The following TRPM3 variants were observed in gnomAD, a reference collection of about 807,000 sequenced individuals.
The protein encoded by TRPM3 is long transient receptor potential channel 3.
A neutral mutation model predicts 181.2 loss-of-function variants in TRPM3; 77 were observed. The observed-to-expected ratio is 0.42, with a 90% CI of 0.35 to 0.51. The LOEUF (loss-of-function observed/expected upper bound fraction) is 0.51. Ranked by LOEUF, TRPM3 falls within the 20% of genes least tolerant of loss-of-function variation. The probability of loss-of-function intolerance (pLI) is 0.01; values close to 1 mark genes in which losing one functional copy is unlikely to be tolerated. For missense variants in TRPM3, 1,759 were observed against 2,196.7 expected (o/e 0.80, Z 3.98); for synonymous variants, 745 against 796.4 (o/e 0.94, Z 1.09).
At chr9:70,695,690 G>C (rs1264180452) in intron 8 of TRPM3, among the ~76,000 whole-genome samples, 1 of 152,152 alleles carries the variant, frequency 6.6e-6, no homozygotes, top group Non-Finnish European at 1.5e-5. Flanking sequence ...ATTACTAATG[G>C]TCACTTATTG....
chr9:71,141,940 C>T lies in TRPM3; in HGVS notation c.184-277429G>A, dbSNP rs62546786. Among the ~76,000 whole-genome samples, 484 of 152,202 alleles carry T rather than the reference C, an allele frequency of 3.2e-3. 2 individuals are homozygous for T. The highest frequency in any genetic ancestry group is 6.8e-3 in the Middle Eastern group (2 of 292). On this transcript the variant is annotated intron_variant, in intron 1 of 24. Coordinates refer to the TRPM3 transcript ENST00000357533. ...CTTCTGAAATTCCATTCACTGGGGC[C>T]ATAATATATCCAAGTTTCTTCTCTA...
intron 1 of TRPM3, among the ~76,000 whole-genome samples, chr9:70,928,252 C>T (rs2096740993): frequency 1.3e-5 from 2 of 152,174 alleles, no homozygotes; most frequent in Non-Finnish European, 2.9e-5. Context: ...CTAGTTTATA[C>T]ACTGTAGGAT....
chr9:71,349,246 T>C (rs1306583965), intron 1 of TRPM3, among the ~76,000 whole-genome samples: 1 of 152,240 alleles, frequency 6.6e-6, no homozygotes, highest in Non-Finnish European at 1.5e-5. Flanking sequence ...AATCCATATA[T>C]AATTTAAATC....
At chr9:71,444,623 A>T (rs1046107667) in intron 1 of TRPM3, among the ~76,000 whole-genome samples, 1 of 152,218 alleles carries the variant, frequency 6.6e-6, no homozygotes, top group African/African-American at 2.4e-5. Flanking sequence ...ACTTTAAGGG[A>T]GAGAAAAAAT....
In TRPM3 at chr9:70,625,222, G is replaced by A; in HGVS notation, c.1778C>T (p.Thr593Ile). The change falls in exon 14 of 26, where the codon ACC becomes ATC. Residue 593 changes from threonine to isoleucine, a missense_variant. Physicochemically the swap from Thr to Ile is moderately conservative, Grantham distance 89 (BLOSUM62 -1). Transcript: ENST00000677713. The surrounding 1 kb of genome is among the most constrained non-coding windows in gnomAD (Gnocchi z 4.8). ...GGGGCCGAAGAGGTTGTGGTAGAGG[G>A]TCCGGAAGCGCTTGCGCGTGTAGTT... The part of the protein sequence containing the change: ...RCNYTRKRFR[T>I]LYHNLFGPKR... 1.9e-6 allele frequency: 3 copies of A among 1,614,058 alleles called. No homozygotes were observed. The highest frequency in any genetic ancestry group is 2.5e-6 in the Non-Finnish European group (3 of 1,179,998).
At chr9:71,362,688 C>T (rs114960555) in intron 1 of TRPM3, among the ~76,000 whole-genome samples, 12 of 152,176 alleles carry the variant, frequency 7.9e-5, no homozygotes, top group East Asian at 1.9e-4. Context: ...TGAACATAAG[C>T]GATAACAATT....
At chr9:70,606,934 T>G (rs76097462) in intron 19 of TRPM3, among the ~76,000 whole-genome samples, 4,625 of 152,168 alleles carry the variant, frequency 0.03, 239 homozygotes, top group African/African-American at 0.11. Context: ...CTACTACCTC[T>G]GGAGAGCAGA....
At chr9:71,289,928 A>G (rs916614957) in intron 1 of TRPM3, among the ~76,000 whole-genome samples, 2 of 147,626 alleles carry the variant, frequency 1.4e-5, no homozygotes, top group Non-Finnish European at 3.0e-5. Context: ...ATAAGAATTG[A>G]AATATTCCCA....
At chr9:71,015,592 G>C (rs573804122) in intron 1 of TRPM3, among the ~76,000 whole-genome samples, 2 of 152,260 alleles carry the variant, frequency 1.3e-5, no homozygotes, top group Non-Finnish European at 2.9e-5. Context: ...GCTATACTTA[G>C]AAGACTTATT....
chr9:70,654,901 T>C (rs768929648), intron 9 of TRPM3, among the ~76,000 whole-genome samples: 32 of 151,394 alleles, frequency 2.1e-4, no homozygotes, highest in Middle Eastern at 3.4e-3. Context: ...CCCAGGATGG[T>C]CTCGATCTCC....
chr9:71,054,209 C>A (rs562079644), intron 1 of TRPM3, among the ~76,000 whole-genome samples: 1 of 152,198 alleles, frequency 6.6e-6, no homozygotes, highest in African/African-American at 2.4e-5. Flanking sequence ...CCCAAGACCA[C>A]CCAGTGGTTG....
intron 9 of TRPM3, among the ~76,000 whole-genome samples, chr9:70,658,734 A>G (rs117204188): frequency 0.017 from 2,616 of 152,142 alleles, 58 homozygotes; most frequent in East Asian, 0.05. Context: ...AATCAGCTAT[A>G]AAACTCTAAC....
rs2087428557 is a variant in TRPM3, at chr9:71,307,175, CCA to C, written c.183+139476_183+139477del. On this transcript the variant is annotated intron_variant, in intron 1 of 24. Coordinates refer to the TRPM3 transcript ENST00000357533. ...ACACTTCTGTGAGTACTGATAATCTCCAGTTAGTTTTATGTGACCTGACGATA... is the reference window on the plus strand; with the variant it reads ...ACACTTCTGTGAGTACTGATAATCTCGTTAGTTTTATGTGACCTGACGATA... Among the ~76,000 whole-genome samples the C allele has an allele frequency of 2.0e-5, 3 of 152,128 alleles. No individual in the cohort carries two copies. The South Asian group carries it at 6.2e-4, about 31-fold the overall frequency.
chr9:70,808,703 C>T lies in TRPM3; in HGVS notation c.973+19144G>A, dbSNP rs550258846. Among the ~76,000 whole-genome samples the T allele has an allele frequency of 4.6e-5, 7 of 152,178 alleles. No homozygotes were observed. In the South Asian group the frequency reaches 6.2e-4, roughly 14 times the overall value. On this transcript the variant is annotated intron_variant, in intron 6 of 25. Coordinates refer to ENST00000677713, the MANE Select transcript of TRPM3 (RefSeq NM_001366145.2). The stretch of plus-strand genomic sequence containing the variant: ...TTTAGAGGGAAGACCCTCTAAAAGG[C>T]GGAGAAAGCTTTAAACATGTTTACT...
intron 1 of TRPM3, among the ~76,000 whole-genome samples, chr9:71,325,334 T>A (rs967802099): frequency 2.6e-5 from 4 of 152,208 alleles, no homozygotes; most frequent in South Asian, 4.1e-4. Flanking sequence ...CGTGCTGATA[T>A]GTCTTCAGCA....
intron 24 of TRPM3, among the ~76,000 whole-genome samples, chr9:70,551,592 C>T (rs1483365732): frequency 6.6e-6 from 1 of 152,192 alleles, no homozygotes; most frequent in Non-Finnish European, 1.5e-5. Flanking sequence ...TTTACAAACA[C>T]CACCTTCCTA....
At chr9:71,094,331 T>C (rs2133947861) in intron 1 of TRPM3, among the ~76,000 whole-genome samples, 1 of 152,252 alleles carries the variant, frequency 6.6e-6, no homozygotes, top group East Asian at 1.9e-4. Flanking sequence ...ACCATTGTAC[T>C]AGGTGCCAGG....
chr9:71,430,190 T>C (rs1430082983), intron 1 of TRPM3, among the ~76,000 whole-genome samples: 2 of 152,230 alleles, frequency 1.3e-5, no homozygotes, highest in East Asian at 3.9e-4. Context: ...ATGAAAATGT[T>C]ACCCACATAA....
intron 7 of TRPM3, among the ~76,000 whole-genome samples, chr9:70,779,548 T>A (rs887287591): frequency 3.9e-5 from 6 of 152,144 alleles, no homozygotes; most frequent in Non-Finnish European, 8.8e-5. Flanking sequence ...AGTCTGACAC[T>A]TCGGTTGAGC....
Sources: gnomAD v4.1 joint callset for allele counts (sites outside exome capture counted in the v4.1 genomes callset) on GRCh38, gnomAD v4.1.1 for gene constraint, Gnocchi (gnomAD v3.1) non-coding constraint, MANE v1.5 for transcripts, NCBI Gene and HGNC (gene_info 2026-07-23, HGNC 2026-07-21) for gene names.